The following TPD52L1 variants were observed in gnomAD, a reference collection of about 807,000 sequenced individuals.
TPD52L1 encodes tumor protein D53.
TPD52L1 carries 18 observed loss-of-function variants against 28.7 expected under a neutral mutation model. The ratio of observed to expected loss-of-function variants is 0.63; its 90% CI spans 0.43 to 0.93. TPD52L1 has a LOEUF of 0.93. Among genes scored for constraint, TPD52L1 ranks in the 40% least tolerant of loss-of-function variants. The pLI, the probability that TPD52L1 is intolerant of heterozygous loss-of-function variation, is 0.00. For synonymous variants in TPD52L1, 75 were observed against 88.8 expected, an observed-to-expected ratio of 0.84 and a Z score of 0.88; for missense variants, 203 against 254.8, an observed-to-expected ratio of 0.80 and a Z score of 1.39.
chr6:125,188,036 G>A lies in TPD52L1; in HGVS notation c.20-32042G>A, dbSNP rs529619819. Reference sequence around the variant, plus strand: ...AATTAATAGAGATCTTGTTTTAGACGTTTCTATTGAGAAGAGGTCCTGGTT... The same window carrying A: ...AATTAATAGAGATCTTGTTTTAGACATTTCTATTGAGAAGAGGTCCTGGTT... On this transcript the variant is annotated intron_variant, in intron 1 of 6. Transcript: ENST00000534000. Among the ~76,000 whole-genome samples the A allele has an allele frequency of 5.6e-4, 85 of 152,110 alleles. No homozygotes were observed. In the Middle Eastern group the frequency reaches 0.02, roughly 37 times the overall value.
chr6:125,193,403 G>A (rs1884950), intron 1 of TPD52L1, among the ~76,000 whole-genome samples: 2,656 of 152,182 alleles, frequency 0.017, 89 homozygotes, highest in African/African-American at 0.059. Context: ...CTGAGTCACT[G>A]TTCCTCATGG....
chr6:125,163,710 G>C (rs901773396), intron 1 of TPD52L1, among the ~76,000 whole-genome samples: 1 of 151,604 alleles, frequency 6.6e-6, no homozygotes, highest in Admixed American at 6.6e-5. Flanking sequence ...CGGATCACCT[G>C]AGGTCAGGAG....
intron 1 of TPD52L1, among the ~76,000 whole-genome samples, chr6:125,215,623 T>A (rs1200766364): frequency 6.6e-6 from 1 of 152,160 alleles, no homozygotes; most frequent in Non-Finnish European, 1.5e-5. Context: ...AGGAGTGGGA[T>A]GTTTGGCCCA....
At chr6:125,251,567 ACT>A (rs1485585025) in intron 4 of TPD52L1, among the ~76,000 whole-genome samples, 1 of 152,098 alleles carries the variant, frequency 6.6e-6, no homozygotes, top group East Asian at 1.9e-4. Flanking sequence ...GGAATTGCCC[ACT>A]CTCTTTCTCC....
intron 1 of TPD52L1, among the ~76,000 whole-genome samples, chr6:125,206,567 G>T (rs1444837021): frequency 3.3e-5 from 5 of 152,148 alleles, no homozygotes; most frequent in African/African-American, 1.2e-4. Context: ...ACATGACTGA[G>T]GAATGCTGTG....
At chr6:125,172,078 T>C (rs7357018) in intron 1 of TPD52L1, among the ~76,000 whole-genome samples, 2,449 of 129,512 alleles carry the variant, frequency 0.019, 126 homozygotes, top group African/African-American at 0.091. Context: ...CTTTCTTTCT[T>C]TCTCTTTCTT....
chr6:125,220,715 C>G (rs978012397), intron 2 of TPD52L1, among the ~76,000 whole-genome samples: 1 of 152,162 alleles, frequency 6.6e-6, no homozygotes, highest in East Asian at 1.9e-4. Context: ...AATGCTTCAT[C>G]GAGGCCTAAT....
At chr6:125,189,966 C>T (rs1438060011) in intron 1 of TPD52L1, among the ~76,000 whole-genome samples, 1 of 151,934 alleles carries the variant, frequency 6.6e-6, no homozygotes, top group African/African-American at 2.4e-5. Context: ...TTATAGGTAA[C>T]CCTAAAACTC....
At chr6:125,168,825 C>T (rs1445763664) in intron 1 of TPD52L1, among the ~76,000 whole-genome samples, 1 of 152,076 alleles carries the variant, frequency 6.6e-6, no homozygotes, top group African/African-American at 2.4e-5. Context: ...TCTTTTTATC[C>T]CTTCTCCCAT....
intron 1 of TPD52L1, among the ~76,000 whole-genome samples, chr6:125,176,888 A>T (rs539550442): frequency 1.6e-3 from 240 of 152,156 alleles, no homozygotes; most frequent in African/African-American, 5.5e-3. Context: ...AAATAAAAAA[A>T]TTAGCTGGGT....
rs1409056321 is a variant in TPD52L1 at position 125,257,084 on chromosome 6, T to C, written c.426-14T>C. 1 of 1,609,144 alleles carries C rather than the reference T, an allele frequency of 6.2e-7. No homozygotes were observed. Among genetic ancestry groups the C allele is most frequent in the Admixed American group, 1.7e-5 (1 of 59,776 alleles). Reference sequence around the variant, plus strand: ...AGGCCTTTGGAGCTGACCTCTCTCTTTTTGTTATTTTAGGAATTCTCCTAC... The same window carrying C: ...AGGCCTTTGGAGCTGACCTCTCTCTCTTTGTTATTTTAGGAATTCTCCTAC... On this transcript the variant is annotated splice_polypyrimidine_tract_variant and intron_variant, in intron 5 of 6. Coordinates refer to ENST00000534000, the MANE Select transcript of TPD52L1 (RefSeq NM_003287.4).
intron 1 of TPD52L1, among the ~76,000 whole-genome samples, chr6:125,208,390 T>A (rs1370214191): frequency 6.6e-6 from 1 of 152,202 alleles, no homozygotes; most frequent in Non-Finnish European, 1.5e-5. Context: ...GTAAAACTGC[T>A]ATCTGTCAGA....
At chr6:125,184,550 G>A (rs1325230492) in intron 1 of TPD52L1, among the ~76,000 whole-genome samples, 1 of 152,244 alleles carries the variant, frequency 6.6e-6, no homozygotes, top group African/African-American at 2.4e-5. Flanking sequence ...CAGAGAGGGA[G>A]AAGCAATGTA....
chr6:125,244,320 G>A (rs1289749591), intron 3 of TPD52L1, among the ~76,000 whole-genome samples: 4 of 152,172 alleles, frequency 2.6e-5, no homozygotes, highest in African/African-American at 9.6e-5. Flanking sequence ...ACTGGTTGTG[G>A]CTAAGGCAGG....
intron 1 of TPD52L1, among the ~76,000 whole-genome samples, chr6:125,165,354 A>C (rs955565954): frequency 2.0e-5 from 3 of 152,134 alleles, no homozygotes; most frequent in Non-Finnish European, 1.5e-5. Context: ...AATGAATTTG[A>C]AATGGCTAAA....
chr6:125,228,684 A>G (rs1178130878), intron 2 of TPD52L1, among the ~76,000 whole-genome samples: 1 of 152,166 alleles, frequency 6.6e-6, no homozygotes, highest in African/African-American at 2.4e-5. Flanking sequence ...CTTTAAAATA[A>G]ATAAATAAAG....
chr6:125,186,778 C>CA (rs749331729), intron 1 of TPD52L1, among the ~76,000 whole-genome samples: 1 of 152,078 alleles, frequency 6.6e-6, no homozygotes, highest in Non-Finnish European at 1.5e-5. Context: ...ACAGAAAAGT[C>CA]AAAATGTGAC....
chr6:125,200,402 G>T (rs1036721645), intron 1 of TPD52L1, among the ~76,000 whole-genome samples: 6 of 152,064 alleles, frequency 3.9e-5, no homozygotes, highest in Non-Finnish European at 8.8e-5. Flanking sequence ...ATGGTTTTTT[G>T]AATAATTTAG....
intron 3 of TPD52L1, 102 bp from the exon 4 acceptor site, chr6:125,248,180 C>A: frequency 2.1e-6 from 2 of 934,932 alleles, no homozygotes; most frequent in Non-Finnish European, 3.3e-6. Context: ...CTTCCTAAAT[C>A]TGTTGAGGAA....
Sources: allele counts gnomAD v4.1 joint callset (sites outside exome capture counted in the v4.1 genomes callset), GRCh38; gene constraint gnomAD v4.1.1; transcripts MANE v1.5; gene names NCBI Gene and HGNC (gene_info 2026-07-23, HGNC 2026-07-21).